Variants in CCNG2 observed in about 807,000 individuals in gnomAD.
CCNG2 encodes the protein cyclin G2.
In CCNG2, 20 loss-of-function variants were observed where a neutral mutation model predicts 36.5. The ratio of observed to expected loss-of-function variants is 0.55; its 90% CI spans 0.39 to 0.80. The LOEUF (loss-of-function observed/expected upper bound fraction) is 0.80, where lower values mean the gene tolerates loss of function less well. CCNG2 is among the 30% of genes least tolerant of loss of function. The pLI is 0.00. For missense variants in CCNG2, 358 were observed against 390.8 expected, an observed-to-expected ratio of 0.92 and a Z score of 0.71; for synonymous variants, 155 against 140.1, an observed-to-expected ratio of 1.11 and a Z score of -0.75.
rs1032801076 is a variant in CCNG2, at chr4:77,166,446, T to C, written c.*522T>C. On this transcript the variant is annotated 3_prime_UTR_variant, in exon 8 of 8. Coordinates refer to ENST00000316355, the MANE Select transcript of CCNG2 (RefSeq NM_004354.3). ...TTTTGTTTTTTAAATGATCAGTGTCTATTTGATGTGATGCAGATCTTATAA... is the reference window on the plus strand; with the variant it reads ...TTTTGTTTTTTAAATGATCAGTGTCCATTTGATGTGATGCAGATCTTATAA... 1 of 152,220 alleles carries C rather than the reference T, an allele frequency of 6.6e-6. No individual in the cohort carries two copies. The highest frequency in any genetic ancestry group is 2.4e-5 in the African/African-American group (1 of 41,454). 9.4% of individuals were successfully genotyped at this position (152,220 alleles called of 1,614,324 possible).
At position 77,166,008 on chromosome 4, in the gene CCNG2, C is replaced by T. The variant is rs371312246; in HGVS notation, c.*84C>T. On this transcript the variant is annotated 3_prime_UTR_variant, in exon 8 of 8. Coordinates refer to ENST00000316355, the MANE Select transcript of CCNG2 (RefSeq NM_004354.3). Reference sequence around the variant, plus strand: ...ATAGGTAGTTTCCTGGTTTAGCCCCCATCTAGTCAGGAATTAATATACTGG... The same window carrying T: ...ATAGGTAGTTTCCTGGTTTAGCCCCTATCTAGTCAGGAATTAATATACTGG... The T allele has an allele frequency of 4.5e-6, 6 of 1,340,886 alleles. No homozygotes were observed. The highest frequency in any genetic ancestry group is 1.4e-5 in the South Asian group (1 of 69,376). 83.1% of individuals were successfully genotyped at this position (1,340,886 alleles called of 1,614,324 possible). A position where few individuals can be genotyped will look rare whatever the true frequency, so the allele number is the denominator to read the frequency against.
chr4:77,164,219 G>C, intron 6 of CCNG2, 55 bp from the exon 7 acceptor site: 1 of 1,338,244 alleles, frequency 7.5e-7, no homozygotes, highest in Admixed American at 1.7e-5. Context: ...TGATTCCAAG[G>C]TGCAGCAAGA....
At chr4:77,158,415 T>C (rs1731332757) in intron 1 of CCNG2, 118 bp from the exon 2 acceptor site, 2 of 970,174 alleles carry the variant, frequency 2.1e-6, no homozygotes, top group Non-Finnish European at 1.6e-6. Flanking sequence ...CTTCACCCGC[T>C]CCTTGTCGGG....
At chr4:77,163,765 C>T (rs144070706) in intron 6 of CCNG2, among the ~76,000 whole-genome samples, 1 of 152,196 alleles carries the variant, frequency 6.6e-6, no homozygotes, top group Admixed American at 6.5e-5. Flanking sequence ...AATTCCTGTT[C>T]TCTCATATCA....
Position 77,158,563 on chromosome 4 carries a change from G to A in CCNG2, c.31G>A (p.Gly11Ser), listed in dbSNP as rs1731337151. 8.7e-6 allele frequency: 14 copies of A among 1,614,058 alleles called. No homozygotes were observed. The South Asian group carries it at 1.3e-4, about 15-fold the overall frequency. Reference sequence around the variant, plus strand: ...GGATTTGGGGGCAGAGCACTTGGCAGGTCATGAAGGGGTCCAACTTCTCGG... The same window carrying A: ...GGATTTGGGGGCAGAGCACTTGGCAAGTCATGAAGGGGTCCAACTTCTCGG... Reference protein sequence around the residue: MKDLGAEHLAGHEGVQLLGLL... With the variant: MKDLGAEHLASHEGVQLLGLL... Residue 11 changes from glycine (G) to serine (S), a missense_variant, in exon 2 of 8, where the codon GGT becomes AGT. Coordinates refer to ENST00000316355, the MANE Select transcript of CCNG2 (RefSeq NM_004354.3).
chr4:77,159,964 A>G (rs1731382969), intron 3 of CCNG2, among the ~76,000 whole-genome samples: 1 of 152,154 alleles, frequency 6.6e-6, no homozygotes, highest in Non-Finnish European at 1.5e-5. Flanking sequence ...CAATGGCTAG[A>G]AAAATGTGGG....
Position 77,160,894 on chromosome 4 carries a change from C to T in CCNG2, c.450C>T (p.His150=). ...AAAAAATAATTTCAGAAAAATTGCA[C>T]TATGAATTGGAAGCTACTACTGCCT... ...RMEKIISEKL[H]YELEATTALN... is the part of the protein sequence containing the mutation. The change falls in exon 4 of 8, where the codon CAC becomes CAT. Residue 150 remains histidine, a synonymous_variant. Transcript: ENST00000316355. 4 of 1,612,570 alleles carry T rather than the reference C, an allele frequency of 2.5e-6. No homozygotes were observed. Among genetic ancestry groups the T allele is most frequent in the Non-Finnish European group, 2.5e-6 (3 of 1,179,504 alleles).
intron 4 of CCNG2, 130 bp downstream of exon 4, chr4:77,161,101 T>C (rs955539882): frequency 3.1e-5 from 11 of 360,630 alleles, no homozygotes; most frequent in Non-Finnish European, 4.0e-5. Flanking sequence ...TGGTAAATCT[T>C]TTTTTTTTTT....
rs986685498 is a variant in CCNG2 at position 77,157,300 on chromosome 4, G to C, written c.-207G>C. On this transcript the variant is annotated 5_prime_UTR_variant, in exon 1 of 8. Coordinates refer to ENST00000316355, the MANE Select transcript of CCNG2 (RefSeq NM_004354.3). ...TCTTCCGCGGCCGGCGTTGCGCCGC[G>C]GCGGAGGGTGGGCGCGCGGGGAGCG... The C allele has an allele frequency of 1.3e-5, 2 of 152,512 alleles. No individual in the cohort carries two copies. The highest frequency in any genetic ancestry group is 2.9e-5 in the Non-Finnish European group (2 of 68,304). The allele number at this position is 152,512 out of a possible 1,614,324, so 9.4% of individuals were successfully genotyped here. A position where few individuals can be genotyped will look rare whatever the true frequency, so the allele number is the denominator to read the frequency against.
Position 77,158,605 on chromosome 4 carries a change from C to G in CCNG2, c.73C>G (p.Leu25Val), listed in dbSNP as rs892286137. ...VQLLGLLNVYLEQEERFQPRE... is the reference protein window; with the variant it reads ...VQLLGLLNVYVEQEERFQPRE... ...ACTTCTCGGGTTGTTGAACGTCTACCTGGAACAAGAAGAGAGATTCCAACC... is the reference window on the plus strand; with the variant it reads ...ACTTCTCGGGTTGTTGAACGTCTACGTGGAACAAGAAGAGAGATTCCAACC... Residue 25 changes from leucine (L) to valine (V), a missense_variant, in exon 2 of 8, where the codon CTG becomes GTG. Coordinates refer to ENST00000316355, the MANE Select transcript of CCNG2 (RefSeq NM_004354.3). 1 of 1,614,114 alleles carries G rather than the reference C, an allele frequency of 6.2e-7. No homozygotes were observed. The highest frequency in any genetic ancestry group is 1.3e-5 in the African/African-American group (1 of 75,008).
intron 4 of CCNG2, 131 bp downstream of exon 4, chr4:77,161,102 T>A: frequency 2.0e-6 from 1 of 501,290 alleles, no homozygotes. Context: ...GGTAAATCTT[T>A]TTTTTTTTTT....
intron 7 of CCNG2, chr4:77,164,771 C>G: frequency 4.6e-6 from 1 of 217,576 alleles, no homozygotes; most frequent in Non-Finnish European, 9.2e-6. Flanking sequence ...CTCCCAGGCT[C>G]AAGTGATCCT....
chr4:77,165,887 A>C lies in CCNG2; in HGVS notation c.998A>C (p.Asn333Thr), dbSNP rs773545591. 1 of 1,611,446 alleles carries C rather than the reference A, an allele frequency of 6.2e-7. No individual in the cohort carries two copies. The highest frequency in any genetic ancestry group is 1.7e-5 in the Admixed American group (1 of 59,334). The change falls in exon 8 of 8, where the codon AAC becomes ACC. Residue 333 changes from asparagine (N) to threonine (T), a missense_variant. Asn to Thr is a moderately conservative substitution (Grantham distance 65). Transcript: ENST00000316355. Reference sequence around the variant, plus strand: ...GATCAAGAGTGCACCTTCTTTTTCAACTTCAAAGTGGCACAAACACTGTGC... The same window carrying C: ...GATCAAGAGTGCACCTTCTTTTTCACCTTCAAAGTGGCACAAACACTGTGC... ...PSDQECTFFF[N>T]FKVAQTLCFP... is the part of the protein sequence containing the mutation.
chr4:77,165,464 C>G (rs1229784634), intron 7 of CCNG2, among the ~76,000 whole-genome samples: 2 of 150,828 alleles, frequency 1.3e-5, no homozygotes, highest in East Asian at 3.9e-4. Context: ...CCATGCCCAG[C>G]TAATTTTTGT....
chr4:77,160,601 A>C (rs1166012319), intron 3 of CCNG2, 120 bp from the exon 4 acceptor site: 5 of 968,654 alleles, frequency 5.2e-6, no homozygotes, highest in African/African-American at 4.9e-5. Flanking sequence ...GAGCCAGTAC[A>C]TATAAGAGAA....
rs761316900 is a variant in CCNG2 at position 77,161,476 on chromosome 4, A to G, written c.528-4A>G. ...AATAAATCTTTGTTCTTTGCATTGT[A>G]TAGGAAAGAAATACTGAGCCTTGAT... On this transcript the variant is annotated splice_polypyrimidine_tract_variant and splice_region_variant and intron_variant, in intron 4 of 7. Transcript: ENST00000316355. The G allele has an allele frequency of 5.7e-6, 9 of 1,576,348 alleles. No homozygotes were observed. Among genetic ancestry groups the G allele is most frequent in the East Asian group, 4.5e-5 (2 of 44,644 alleles).
chr4:77,165,160 T>A (rs1731595082), intron 7 of CCNG2: 1 of 152,238 alleles, frequency 6.6e-6, no homozygotes, highest in East Asian at 1.9e-4. Flanking sequence ...GCCGTAGAGA[T>A]AAAGGGCCAG....
At chr4:77,161,901 G>A (rs1731449381) in intron 6 of CCNG2, among the ~76,000 whole-genome samples, 154 bp downstream of exon 6, 1 of 152,054 alleles carries the variant, frequency 6.6e-6, no homozygotes, top group African/African-American at 2.4e-5. Context: ...TCAAAATGCA[G>A]CTTTGACCCA....
chr4:77,161,283 G>A (rs1169199089), intron 4 of CCNG2, among the ~76,000 whole-genome samples, 197 bp from the exon 5 acceptor site: 1 of 151,892 alleles, frequency 6.6e-6, no homozygotes, highest in East Asian at 1.9e-4. Flanking sequence ...TATATTTTTA[G>A]TAGAGACAGG....
Sources: gnomAD v4.1 joint callset for allele counts (sites outside exome capture counted in the v4.1 genomes callset) on GRCh38, gnomAD v4.1.1 for gene constraint, MANE v1.5 for transcripts, NCBI Gene and HGNC (gene_info 2026-07-23, HGNC 2026-07-21) for gene names.